ATAD2B: variants seen among roughly 807,000 people sequenced by gnomAD.
The protein encoded by ATAD2B is ATPase family AAA domain containing 2B.
Under a neutral mutation model 167.6 loss-of-function variants are expected in ATAD2B, and 40 were observed. That is an observed-to-expected ratio of 0.24 (90% CI 0.19 to 0.31). The LOEUF (loss-of-function observed/expected upper bound fraction) is 0.31, where lower values mean the gene tolerates loss of function less well. Among genes scored for constraint, ATAD2B ranks in the 10% least tolerant of loss-of-function variants. The pLI is 1.00. For missense variants in ATAD2B, 1,242 were observed against 1,757.2 expected, an observed-to-expected ratio of 0.71 and a Z score of 5.24; for synonymous variants, 579 against 596.5, an observed-to-expected ratio of 0.97 and a Z score of 0.43.
chr2:23,730,665 C>CAAAAAAAAAAAAAAAAAA, the ATAD2B span, among the ~76,000 whole-genome samples: 1 of 31,976 alleles, frequency 3.1e-5, no homozygotes, highest in Non-Finnish European at 5.4e-5. Flanking sequence ...GACTCCGTTT[C>CAAAAAAAAAAAAAAAAAA]AAAAAAAAAA....
intron 18 of ATAD2B, among the ~76,000 whole-genome samples, chr2:23,810,102 A>G (rs1026006826): frequency 6.6e-6 from 1 of 152,210 alleles, no homozygotes; most frequent in African/African-American, 2.4e-5. Flanking sequence ...TTCAGTAAGG[A>G]GGATCATGAG....
chr2:23,873,857 T>A (rs1696375029), intron 8 of ATAD2B, among the ~76,000 whole-genome samples: 1 of 152,178 alleles, frequency 6.6e-6, no homozygotes, highest in Admixed American at 6.5e-5. Context: ...AAAATAGTGG[T>A]ATACATAATT....
In ATAD2B at chr2:23,750,333, T is replaced by A. The variant is rs1289766275; in HGVS notation, c.*1713A>T. ...CGTGGCATTTAAAAAAAAATTAAGC[T>A]AGAATTAGAAGGCGTTAGATGTAAA... On this transcript the variant is annotated 3_prime_UTR_variant, in exon 28 of 28. Coordinates refer to ENST00000238789, the MANE Select transcript of ATAD2B (RefSeq NM_017552.4). 6.6e-6 allele frequency: 1 copy of A among 151,994 alleles called. No homozygotes were observed. Among genetic ancestry groups the A allele is most frequent in the Non-Finnish European group, 1.5e-5 (1 of 67,970 alleles). The allele number at this position is 151,994 out of a possible 1,614,324, so 9.4% of individuals were successfully genotyped here. A position where few individuals can be genotyped will look rare whatever the true frequency, so the allele number is the denominator to read the frequency against.
At chr2:23,838,177 T>C (rs1690312063) in intron 13 of ATAD2B, among the ~76,000 whole-genome samples, 1 of 152,198 alleles carries the variant, frequency 6.6e-6, no homozygotes, top group Admixed American at 6.5e-5. Context: ...GTGATTCTTC[T>C]TTTCAAAATG....
At chr2:23,721,062 C>G in the ATAD2B span, among the ~76,000 whole-genome samples, 1 of 152,168 alleles carries the variant, frequency 6.6e-6, no homozygotes, top group Non-Finnish European at 1.5e-5. Flanking sequence ...TGACTCCCAC[C>G]ATCCTCACTT....
the ATAD2B span, among the ~76,000 whole-genome samples, chr2:23,740,955 G>T: frequency 6.6e-6 from 1 of 152,126 alleles, no homozygotes; most frequent in Non-Finnish European, 1.5e-5. Flanking sequence ...ATTCACAATT[G>T]CTTCAAAGAG....
In ATAD2B at chr2:23,751,131, C is replaced by G. The variant is rs1000749898; in HGVS notation, c.*915G>C. 1 of 152,086 alleles carries G rather than the reference C, an allele frequency of 6.6e-6. No homozygotes were observed. Among genetic ancestry groups the G allele is most frequent in the Non-Finnish European group, 1.5e-5 (1 of 67,982 alleles). The allele number at this position is 152,086 out of a possible 1,614,324, so 9.4% of individuals were successfully genotyped here. A position where few individuals can be genotyped will look rare whatever the true frequency, so the allele number is the denominator to read the frequency against. The stretch of plus-strand genomic sequence containing the variant: ...TGACAGAAGAAAAAATGGCCACTAT[C>G]TATTTATTTTCTAGTCATCATTGTT... On this transcript the variant is annotated 3_prime_UTR_variant, in exon 28 of 28. Coordinates refer to ENST00000238789, the MANE Select transcript of ATAD2B (RefSeq NM_017552.4).
At chr2:23,684,325 A>C in the ATAD2B span, 2 of 1,183,948 alleles carry the variant, frequency 1.7e-6, no homozygotes, top group Non-Finnish European at 2.2e-6. This position sits in a 1 kb window ranked among gnomAD's most constrained non-coding sequence, Gnocchi z 4.4. Context: ...AAAAAAGAAA[A>C]AAAACTTTTT....
At chr2:23,695,924 C>T in the ATAD2B span, 1 of 1,547,384 alleles carries the variant, frequency 6.5e-7, no homozygotes, top group Non-Finnish European at 8.7e-7. The surrounding 1 kb of genome is among the most constrained non-coding windows in gnomAD (Gnocchi z 7.6). Context: ...GAGTGTGTCC[C>T]AAGGGCGCCC....
chr2:23,734,155 CTTAT>C, the ATAD2B span, among the ~76,000 whole-genome samples: 6,131 of 152,042 alleles, frequency 0.04, 120 homozygotes, highest in Middle Eastern at 0.051. Flanking sequence ...TACTGGGTAA[CTTAT>C]TTATTTATTT....
the ATAD2B span, chr2:23,696,048 C>T: frequency 6.4e-7 from 1 of 1,551,796 alleles, no homozygotes; most frequent in Non-Finnish European, 8.7e-7. This position sits in a 1 kb window ranked among gnomAD's most constrained non-coding sequence, Gnocchi z 5.5. Flanking sequence ...CGCAGAACAA[C>T]AAGTGGTACC....
intron 7 of ATAD2B, 122 bp downstream of exon 7, chr2:23,880,517 C>G: frequency 1.6e-6 from 1 of 611,132 alleles, no homozygotes; most frequent in South Asian, 2.1e-5. Context: ...GAACTGGGAT[C>G]GCACCACTGC....
intron 18 of ATAD2B, among the ~76,000 whole-genome samples, chr2:23,807,118 T>C (rs1243869798): frequency 6.6e-6 from 1 of 152,178 alleles, no homozygotes; most frequent in Non-Finnish European, 1.5e-5. Flanking sequence ...TCCTATATAG[T>C]GGTTCACTCC....
chr2:23,786,160 G>A lies in ATAD2B; in HGVS notation c.2840C>T (p.Ser947Leu). 1 of 1,600,786 alleles carries A rather than the reference G, an allele frequency of 6.2e-7. No homozygotes were observed. The highest frequency in any genetic ancestry group is 8.5e-7 in the Non-Finnish European group (1 of 1,173,258). Residue 947 changes from serine (S) to leucine (L), a missense_variant, in exon 21 of 28, where the codon TCA becomes TTA. Transcript: ENST00000238789. Reference sequence around the variant, plus strand: ...CTGGTCCTCCATTCGACTTTTTTCTGATTCTGATAATTGACGAGGTGGAGA... The same window carrying A: ...CTGGTCCTCCATTCGACTTTTTTCTAATTCTGATAATTGACGAGGTGGAGA... ...LPSPPRQLSE[S>L]EKSRMEDQEE... is the part of the protein sequence containing the mutation.
intron 1 of ATAD2B, among the ~76,000 whole-genome samples, chr2:23,909,870 T>C (rs1225996422): frequency 6.7e-6 from 1 of 149,200 alleles, no homozygotes; most frequent in African/African-American, 2.6e-5. Flanking sequence ...TTTGTTTTTG[T>C]TTTTTTTGGT....
At chr2:23,868,688 T>G (rs1330355049) in intron 9 of ATAD2B, among the ~76,000 whole-genome samples, 3 of 152,216 alleles carry the variant, frequency 2.0e-5, no homozygotes, top group African/African-American at 7.2e-5. Context: ...GATCACATCT[T>G]GAACACTAAG....
chr2:23,733,827 G>C, the ATAD2B span, among the ~76,000 whole-genome samples: 1 of 152,102 alleles, frequency 6.6e-6, no homozygotes, highest in Admixed American at 6.5e-5. Flanking sequence ...CCGGCCTATA[G>C]CATCTCTCAC....
chr2:23,888,152 CATAA>C (rs1355553563), intron 3 of ATAD2B, among the ~76,000 whole-genome samples, 167 bp from the exon 4 acceptor site: 3 of 152,092 alleles, frequency 2.0e-5, no homozygotes, highest in African/African-American at 7.2e-5. Flanking sequence ...TACAATCTGT[CATAA>C]ATAATTTAAA....
rs188102760 is a variant in ATAD2B, at chr2:23,865,682, C to T, written c.1189-758G>A. ...TTAGCTATTTACAATAGTTTGTAGACCTCCCAAGGTCAATGTTACCTGACA... is the reference window on the plus strand; with the variant it reads ...TTAGCTATTTACAATAGTTTGTAGATCTCCCAAGGTCAATGTTACCTGACA... On this transcript the variant is annotated intron_variant, in intron 10 of 27. Coordinates refer to ENST00000238789, the MANE Select transcript of ATAD2B (RefSeq NM_017552.4). Among the ~76,000 whole-genome samples, 6 of 152,180 alleles carry T rather than the reference C, an allele frequency of 3.9e-5. No homozygotes were observed. The East Asian group carries it at 7.7e-4, about 20-fold the overall frequency.
Sources: allele counts gnomAD v4.1 joint callset (sites outside exome capture counted in the v4.1 genomes callset), GRCh38; gene constraint gnomAD v4.1.1; non-coding constraint Gnocchi (gnomAD v3.1); transcripts MANE v1.5; gene names NCBI Gene and HGNC (gene_info 2026-07-23, HGNC 2026-07-21).